The following FLT1 variants were observed in gnomAD, a reference collection of about 807,000 sequenced individuals.
FLT1 encodes the protein vascular endothelial growth factor receptor 1.
Under a neutral mutation model 156.3 loss-of-function variants are expected in FLT1, and 49 were observed. The ratio of observed to expected loss-of-function variants is 0.31; its 90% CI spans 0.25 to 0.40. The LOEUF is 0.40. FLT1 is among the 10% of genes least tolerant of loss of function. FLT1 has a pLI of 1.00. For synonymous variants in FLT1, 594 were observed against 583.8 expected (o/e 1.02, Z -0.25); for missense variants, 1,322 against 1,637.2 (o/e 0.81, Z 3.32).
At chr13:28,320,121 G>T (rs1250569280) in intron 23 of FLT1, among the ~76,000 whole-genome samples, 1 of 152,084 alleles carries the variant, frequency 6.6e-6, no homozygotes, top group Non-Finnish European at 1.5e-5. Context: ...CAGTGAGTTA[G>T]GCCTCACCAC....
At chr13:28,406,108 G>A (rs1333954371) in intron 10 of FLT1, among the ~76,000 whole-genome samples, 1 of 152,054 alleles carries the variant, frequency 6.6e-6, no homozygotes, top group African/African-American at 2.4e-5. Flanking sequence ...CCACACTAGT[G>A]TGTCACCATA....
intron 17 of FLT1, among the ~76,000 whole-genome samples, chr13:28,335,502 C>A (rs1447491187): frequency 2.0e-5 from 3 of 152,254 alleles, no homozygotes; most frequent in East Asian, 3.9e-4. Flanking sequence ...CATATTAGAA[C>A]CTTTCTACTT....
intron 15 of FLT1, among the ~76,000 whole-genome samples, chr13:28,349,617 A>G (rs762174868): frequency 6.6e-5 from 10 of 152,202 alleles, no homozygotes; most frequent in Admixed American, 1.3e-4. Context: ...GTCTGCATAA[A>G]ACCTCTGCAG....
Position 28,347,194 on chromosome 13 carries a change from G to A in FLT1, c.2249-1643C>T, listed in dbSNP as rs374315105. On this transcript the variant is annotated intron_variant, in intron 15 of 29. Transcript: ENST00000282397. The stretch of plus-strand genomic sequence containing the variant: ...TTAATCTGCAGAGATGAAGGCAGGG[G>A]AGGGCATTATAGGCAGAGGAAACAG... 7.2e-5 allele frequency among the ~76,000 whole-genome samples: 11 copies of A among 152,308 alleles called. No individual in the cohort carries two copies. The East Asian group carries it at 1.5e-3, about 21-fold the overall frequency.
chr13:28,489,319 A>G (rs1487102935), intron 1 of FLT1, among the ~76,000 whole-genome samples: 1 of 152,212 alleles, frequency 6.6e-6, no homozygotes, highest in African/African-American at 2.4e-5. Context: ...GTGTGGCCAC[A>G]TATTCATTCA....
chr13:28,317,622 C>T (rs1344636343), intron 24 of FLT1, 25 bp from the exon 25 acceptor site: 4 of 1,490,500 alleles, frequency 2.7e-6, no homozygotes, highest in South Asian at 2.3e-5. Context: ...GTGGAAAACA[C>T]AGGGCCTGTT....
At chr13:28,413,467 G>A (rs551075257) in intron 10 of FLT1, among the ~76,000 whole-genome samples, 2 of 152,008 alleles carry the variant, frequency 1.3e-5, no homozygotes, top group South Asian at 4.2e-4. Flanking sequence ...CCGCACTGGG[G>A]TAACTGAAAG....
In FLT1 at chr13:28,302,842, C is replaced by G. The variant is rs1870567570; in HGVS notation, c.*325G>C. On this transcript the variant is annotated 3_prime_UTR_variant, in exon 30 of 30. Transcript: ENST00000282397. ...TACGTGATGCATTGGGTGATCAGTG[C>G]AGCTCCTCAATCAAACTGGTCCTGC... is the stretch of plus-strand genomic sequence containing the variant. 4.6e-6 allele frequency: 2 copies of G among 432,772 alleles called. No homozygotes were observed. The highest frequency in any genetic ancestry group is 4.3e-6 in the Non-Finnish European group (1 of 233,958). 26.8% of individuals were successfully genotyped at this position (432,772 alleles called of 1,614,324 possible).
chr13:28,302,645 C>T lies in FLT1; in HGVS notation c.*522G>A, dbSNP rs1383042996. On this transcript the variant is annotated 3_prime_UTR_variant, in exon 30 of 30. Coordinates refer to ENST00000282397, the MANE Select transcript of FLT1 (RefSeq NM_002019.4). ...GGTGCGTCTCAAATTCTTTCTCATG[C>T]CTTCTCCCGGTTTCTCTTTTCTCCC... 1.3e-5 allele frequency: 3 copies of T among 235,310 alleles called. No homozygotes were observed. The highest frequency in any genetic ancestry group is 2.5e-5 in the Non-Finnish European group (3 of 119,638). The allele number at this position is 235,310 out of a possible 1,614,324, so 14.6% of individuals were successfully genotyped here.
chr13:28,431,967 G>A (rs914787976), intron 6 of FLT1, among the ~76,000 whole-genome samples: 3 of 152,132 alleles, frequency 2.0e-5, no homozygotes, highest in African/African-American at 7.2e-5. Context: ...CACAGTAAAT[G>A]GATCTTTAAC....
intron 18 of FLT1, among the ~76,000 whole-genome samples, 161 bp downstream of exon 18, chr13:28,333,864 C>T (rs950523631): frequency 2.6e-5 from 4 of 152,176 alleles, no homozygotes; most frequent in African/African-American, 9.7e-5. Context: ...CTGGCCTAAT[C>T]TAAAACTCGT....
At chr13:28,341,068 C>G (rs1299475239) in intron 16 of FLT1, among the ~76,000 whole-genome samples, 8 of 152,134 alleles carry the variant, frequency 5.3e-5, no homozygotes, top group African/African-American at 1.9e-4. Context: ...CATAGGATAG[C>G]TGAAACCTCG....
intron 25 of FLT1, 109 bp downstream of exon 25, chr13:28,317,389 G>T: frequency 1.3e-6 from 1 of 791,320 alleles, no homozygotes; most frequent in Non-Finnish European, 2.3e-6. Context: ...GAAGAACCTT[G>T]GCATCTTCCA....
intron 16 of FLT1, among the ~76,000 whole-genome samples, chr13:28,339,694 G>T (rs9554322): frequency 1.3e-5 from 2 of 152,022 alleles, no homozygotes; most frequent in Admixed American, 6.6e-5. Flanking sequence ...TGTATAAGCA[G>T]GAATATATAT....
rs138048387 is a variant in FLT1, at chr13:28,307,206, A to G, written c.3721-434T>C. On this transcript the variant is annotated intron_variant, in intron 28 of 29. Coordinates refer to ENST00000282397, the MANE Select transcript of FLT1 (RefSeq NM_002019.4). ...CATTCGATTTTTTTTCTTGAACTCA[A>G]TGGAATTCTCAGCCCCCAGCCCTTG... 1.6e-4 allele frequency among the ~76,000 whole-genome samples: 24 copies of G among 152,298 alleles called. No homozygotes were observed. In the East Asian group the frequency reaches 3.9e-3, roughly 24 times the overall value.
intron 14 of FLT1, among the ~76,000 whole-genome samples, chr13:28,358,599 A>G (rs1872993016): frequency 6.6e-6 from 1 of 152,254 alleles, no homozygotes; most frequent in Non-Finnish European, 1.5e-5. Context: ...TCTGTTGAGT[A>G]TTTACTCTGC....
intron 3 of FLT1, among the ~76,000 whole-genome samples, chr13:28,465,174 C>A (rs1211535321): frequency 6.6e-6 from 1 of 152,284 alleles, no homozygotes; most frequent in East Asian, 1.9e-4. Context: ...CCTTCTCTAC[C>A]CTTCCTCATT....
intron 26 of FLT1, 35 bp from the exon 27 acceptor site, chr13:28,311,767 A>G (rs1871014052): frequency 6.2e-7 from 1 of 1,610,896 alleles, no homozygotes; most frequent in African/African-American, 1.3e-5. Flanking sequence ...CGTTGCACCA[A>G]TTCTGACTTC....
At chr13:28,318,015 G>A (rs768320330) in intron 24 of FLT1, among the ~76,000 whole-genome samples, 2 of 152,102 alleles carry the variant, frequency 1.3e-5, no homozygotes, top group East Asian at 3.9e-4. Context: ...CTGGAGTGTG[G>A]TGGCATGATC....
Sources: allele counts gnomAD v4.1 joint callset (sites outside exome capture counted in the v4.1 genomes callset), GRCh38; gene constraint gnomAD v4.1.1; transcripts MANE v1.5; gene names NCBI Gene and HGNC (gene_info 2026-07-23, HGNC 2026-07-21).